Variants in AK3 observed in about 807,000 individuals in gnomAD.
The protein encoded by AK3 is GTP:AMP phosphotransferase AK3, mitochondrial.
A neutral mutation model predicts 23.7 loss-of-function variants in AK3; 27 were observed. The observed-to-expected ratio is 1.14, with a 90% CI of 0.84 to 1.57. AK3 has a LOEUF of 1.57. AK3 is among the 40% of genes most tolerant of loss of function. AK3 has a pLI of 0.00. For missense variants in AK3, 406 were observed against 285.6 expected (o/e 1.42, Z -3.04); for synonymous variants, 159 against 116.0 (o/e 1.37, Z -2.38).
chr9:4,722,721 C>T, intron 1 of AK3, 96 bp from the exon 2 acceptor site: 1 of 1,522,122 alleles, frequency 6.6e-7, no homozygotes, highest in Admixed American at 1.9e-5. Flanking sequence ...GTCTGAATGG[C>T]ATACTCATCT....
Position 4,741,166 on chromosome 9 carries a change from G to C in AK3, c.-79C>G. On this transcript the variant is annotated 5_prime_UTR_variant, in exon 1 of 5. Coordinates refer to ENST00000381809, the MANE Select transcript of AK3 (RefSeq NM_016282.4). ...CGCGCTCACCCGCTCGGCAGCCTGC[G>C]CCGGCCGGCTAGCAGCGCCACTAGC... is the stretch of plus-strand genomic sequence containing the variant. 1 of 1,312,940 alleles carries C rather than the reference G, an allele frequency of 7.6e-7. No individual in the cohort carries two copies. Among genetic ancestry groups the C allele is most frequent in the Non-Finnish European group, 9.7e-7 (1 of 1,025,856 alleles). 81.3% of individuals were successfully genotyped at this position (1,312,940 alleles called of 1,614,324 possible). A position where few individuals can be genotyped will look rare whatever the true frequency, so the allele number is the denominator to read the frequency against.
At chr9:4,729,299 T>C (rs1325079240) in intron 1 of AK3, among the ~76,000 whole-genome samples, 1 of 152,180 alleles carries the variant, frequency 6.6e-6, no homozygotes, top group African/African-American at 2.4e-5. Context: ...CATGAGCCAC[T>C]GCACCCAGCT....
intron 3 of AK3, 145 bp from the exon 4 acceptor site, chr9:4,718,682 C>T: frequency 1.6e-6 from 1 of 629,326 alleles, no homozygotes; most frequent in Non-Finnish European, 2.7e-6. Context: ...GGAATCCAAC[C>T]TCAAAAGAGA....
intron 1 of AK3, among the ~76,000 whole-genome samples, chr9:4,731,618 T>G (rs548957235): frequency 1.3e-5 from 2 of 151,838 alleles, no homozygotes; most frequent in Non-Finnish European, 2.9e-5. Flanking sequence ...GTCTAAGCAG[T>G]TAACATATTA....
At chr9:4,723,020 G>A (rs1243517964) in intron 1 of AK3, among the ~76,000 whole-genome samples, 19 of 152,174 alleles carry the variant, frequency 1.2e-4, no homozygotes, top group Non-Finnish European at 1.3e-4. Flanking sequence ...GCAGTGAGCC[G>A]AGATCGTGCC....
At position 4,735,238 on chromosome 9, in the gene AK3, C is replaced by T. The variant is rs566209137; in HGVS notation, c.151+5699G>A. Among the ~76,000 whole-genome samples the T allele has an allele frequency of 4.3e-5, 3 of 69,674 alleles. 1 individual carries two copies. Among genetic ancestry groups the T allele is most frequent in the East Asian group, 3.6e-4 (1 of 2,808 alleles). 45.7% of individuals were successfully genotyped at this position (69,674 alleles called of 152,430 possible). A position where few individuals can be genotyped will look rare whatever the true frequency, so the allele number is the denominator to read the frequency against. On this transcript the variant is annotated intron_variant, in intron 1 of 4. Coordinates refer to ENST00000381809, the MANE Select transcript of AK3 (RefSeq NM_016282.4). ...TGGTGAGACCCCATATATATATATA[C>T]ATATATAAATATATATATATATAAA... is the stretch of plus-strand genomic sequence containing the variant.
intron 1 of AK3, among the ~76,000 whole-genome samples, chr9:4,739,594 G>A (rs1217443505): frequency 2.0e-5 from 3 of 151,816 alleles, no homozygotes; most frequent in Admixed American, 6.6e-5. Flanking sequence ...CCACACTAGT[G>A]CAGAGTATAT....
intron 1 of AK3, among the ~76,000 whole-genome samples, chr9:4,724,761 G>A (rs7036553): frequency 0.062 from 8,902 of 143,280 alleles, 832 homozygotes; most frequent in African/African-American, 0.21. Flanking sequence ...CCTGGGCAAC[G>A]GAGTGAGACC....
At chr9:4,735,083 A>G (rs1320119091) in intron 1 of AK3, among the ~76,000 whole-genome samples, 2 of 151,446 alleles carry the variant, frequency 1.3e-5, no homozygotes, top group African/African-American at 2.4e-5. Flanking sequence ...AAAATTGATT[A>G]TTAAAGAAAA....
At chr9:4,715,635 G>T (rs563611351) in intron 4 of AK3, among the ~76,000 whole-genome samples, 1 of 151,780 alleles carries the variant, frequency 6.6e-6, no homozygotes, top group Non-Finnish European at 1.5e-5. Context: ...CTGCCTTTTC[G>T]ATCCTCCTGC....
intron 1 of AK3, among the ~76,000 whole-genome samples, chr9:4,728,021 T>C (rs923634104): frequency 6.6e-6 from 1 of 152,194 alleles, no homozygotes; most frequent in African/African-American, 2.4e-5. Flanking sequence ...ATGGGTATAG[T>C]TCATGGCACC....
chr9:4,718,813 A>G (rs1841808106), intron 3 of AK3, among the ~76,000 whole-genome samples: 1 of 152,206 alleles, frequency 6.6e-6, no homozygotes. Flanking sequence ...AAAAAGATTC[A>G]GCTATAAACT....
Position 4,741,055 on chromosome 9 carries a change from C to T in AK3, c.33G>A (p.Val11=). MGASARLLRA[V]IMGAPGSGKG... is the part of the protein sequence containing the mutation. ...TGCCCGAGCCCGGGGCCCCCATGAT[C>T]ACCGCTCGCAGCAGCCGCGCGGACG... The change falls in exon 1 of 5, where the codon GTG becomes GTA. Residue 11 remains valine, a synonymous_variant. Transcript: ENST00000381809. 4 of 1,565,062 alleles carry T rather than the reference C, an allele frequency of 2.6e-6. No individual in the cohort carries two copies. The highest frequency in any genetic ancestry group is 3.5e-6 in the Non-Finnish European group (4 of 1,158,170).
Position 4,718,454 on chromosome 9 carries a change from A to T in AK3, c.528T>A (p.Tyr176Ter). 6.2e-7 allele frequency: 1 copy of T among 1,613,228 alleles called. No individual in the cohort carries two copies. Among genetic ancestry groups the T allele is most frequent in the Non-Finnish European group, 8.5e-7 (1 of 1,179,814 alleles). ...CCAGGACTGGCTTTGTTTGGTCTTC[A>T]TAAGCCTTTAGTCTCTTGATAACCG... The part of the protein sequence containing the change: ...PETVIKRLKA[Y>*]EDQTKPVLEY... Residue 176 changes from tyrosine to a stop codon, truncating the protein, a stop_gained, in exon 4 of 5, where the codon TAT (tyrosine) becomes TAA (stop). Coordinates refer to ENST00000381809, the MANE Select transcript of AK3 (RefSeq NM_016282.4). LOFTEE classifies it high-confidence loss of function.
chr9:4,714,419 G>C (rs1276670982), intron 4 of AK3, among the ~76,000 whole-genome samples: 1 of 152,122 alleles, frequency 6.6e-6, no homozygotes, highest in Non-Finnish European at 1.5e-5. Context: ...AACACCCACT[G>C]TTTTCTCGGT....
At chr9:4,713,468 A>T (rs1841616904) in intron 4 of AK3, among the ~76,000 whole-genome samples, 1 of 152,164 alleles carries the variant, frequency 6.6e-6, no homozygotes, top group Admixed American at 6.5e-5. Context: ...AATGTAACTT[A>T]GCCCAAATCA....
In AK3 at chr9:4,722,489, C is replaced by G. The variant is rs1161328793; in HGVS notation, c.271+17G>C. On this transcript the variant is annotated intron_variant, in intron 2 of 4. Coordinates refer to ENST00000381809, the MANE Select transcript of AK3 (RefSeq NM_016282.4). Reference sequence around the variant, plus strand: ...GATTATTTTGGGCAGGTGAAATGCTCATGAGACTCCACTTACCATCCAACA... The same window carrying G: ...GATTATTTTGGGCAGGTGAAATGCTGATGAGACTCCACTTACCATCCAACA... 1.9e-6 allele frequency: 3 copies of G among 1,613,968 alleles called. No homozygotes were observed. In the Admixed American group the frequency reaches 5.0e-5, roughly 27 times the overall value.
At chr9:4,724,164 A>G (rs1263149921) in intron 1 of AK3, among the ~76,000 whole-genome samples, 2 of 152,172 alleles carry the variant, frequency 1.3e-5, no homozygotes, top group Non-Finnish European at 2.9e-5. Flanking sequence ...GGACTCACTA[A>G]AACAGCCTTA....
At chr9:4,728,801 G>C (rs1159572361) in intron 1 of AK3, among the ~76,000 whole-genome samples, 69 of 147,382 alleles carry the variant, frequency 4.7e-4, no homozygotes, top group Admixed American at 4.7e-3. Context: ...TTCAAGACCA[G>C]CCTGGGCAAC....
Sources: gnomAD v4.1 joint callset for allele counts (sites outside exome capture counted in the v4.1 genomes callset) on GRCh38, gnomAD v4.1.1 for gene constraint, MANE v1.5 for transcripts, NCBI Gene and HGNC (gene_info 2026-07-23, HGNC 2026-07-21) for gene names.